TPD52L3: variants seen among roughly 807,000 people sequenced by gnomAD.
TPD52L3 encodes the protein tumor protein D55.
In TPD52L3, 12 loss-of-function variants were observed where a neutral mutation model predicts 8.7. That is an observed-to-expected ratio of 1.38 (90% CI 0.89 to 2.24). TPD52L3 has a LOEUF of 2.24. TPD52L3 is among the 30% of genes most tolerant of loss of function. The pLI is 0.00. For synonymous variants in TPD52L3, 79 were observed against 66.8 expected (o/e 1.18, Z -0.89); for missense variants, 207 against 158.7 (o/e 1.30, Z -1.64).
Position 6,328,488 on chromosome 9 carries a change from G to C in TPD52L3, c.-108G>C. 7.2e-7 allele frequency: 1 copy of C among 1,391,150 alleles called. No homozygotes were observed. The highest frequency in any genetic ancestry group is 9.7e-7 in the Non-Finnish European group (1 of 1,028,670). 86.2% of individuals were successfully genotyped at this position (1,391,150 alleles called of 1,614,324 possible). ...CCAAGAGTCTGAGCCTGCAGGCCTA[G>C]ATTTCGACTCTGCTGGCCAAGATTA... On this transcript the variant is annotated 5_prime_UTR_variant, in exon 1 of 2. Coordinates refer to ENST00000314556, the MANE Select transcript of TPD52L3 (RefSeq NM_001001874.3).
rs749197845 is a variant in TPD52L3 at position 6,331,055 on chromosome 9, G to C, written c.*36G>C. The C allele has an allele frequency of 6.3e-7, 1 of 1,592,652 alleles. No individual in the cohort carries two copies. The highest frequency in any genetic ancestry group is 2.2e-5 in the East Asian group (1 of 44,676). On this transcript the variant is annotated 3_prime_UTR_variant, in exon 2 of 2. Transcript: ENST00000314556. The stretch of plus-strand genomic sequence containing the variant: ...TTCAGACATCAAATATGGAATCCAA[G>C]AGACTATCAACAACATGAACTTGTT...
chr9:6,330,595 A>T, intron 1 of TPD52L3: 4 of 1,166,854 alleles, frequency 3.4e-6, no homozygotes, highest in Non-Finnish European at 4.3e-6. Context: ...AAAGTTACTC[A>T]TGTATCCCAA....
intron 1 of TPD52L3, chr9:6,330,654 T>G: frequency 8.4e-7 from 1 of 1,188,814 alleles, no homozygotes; most frequent in Non-Finnish European, 1.0e-6. Flanking sequence ...TAAAACAAGA[T>G]GTTTTACTAT....
At chr9:6,330,366 C>A in intron 1 of TPD52L3, 1 of 1,449,602 alleles carries the variant, frequency 6.9e-7, no homozygotes, top group Non-Finnish European at 9.1e-7. Context: ...TCTAGACACA[C>A]TGCCTGAGAT....
intron 1 of TPD52L3, 140 bp downstream of exon 1, chr9:6,329,102 G>A (rs976900140): frequency 3.2e-6 from 5 of 1,539,598 alleles, no homozygotes; most frequent in Non-Finnish European, 3.5e-6. Flanking sequence ...CCGGGGAGTG[G>A]GAATGAGCCA....
rs939177553 is a variant in TPD52L3, at chr9:6,328,549, A to G, written c.-47A>G. Reference sequence around the variant, plus strand: ...GCCCAATAATTCGACTCTTTCTACCAAGAATTGGACCTGGACTCTCTTAAC... The same window carrying G: ...GCCCAATAATTCGACTCTTTCTACCGAGAATTGGACCTGGACTCTCTTAAC... On this transcript the variant is annotated 5_prime_UTR_variant, in exon 1 of 2. Transcript: ENST00000314556. 1 of 1,577,348 alleles carries G rather than the reference A, an allele frequency of 6.3e-7. No homozygotes were observed. The highest frequency in any genetic ancestry group is 8.6e-7 in the Non-Finnish European group (1 of 1,165,424).
chr9:6,330,217 T>C, intron 1 of TPD52L3: 3 of 1,613,798 alleles, frequency 1.9e-6, no homozygotes, highest in Non-Finnish European at 2.5e-6. Context: ...AATATAACCC[T>C]CTGGAGAGCT....
In TPD52L3 at chr9:6,331,211, C is replaced by T. The variant is rs1818144760; in HGVS notation, c.*192C>T. 1 of 523,024 alleles carries T rather than the reference C, an allele frequency of 1.9e-6. No individual in the cohort carries two copies. Among genetic ancestry groups the T allele is most frequent in the Non-Finnish European group, 3.4e-6 (1 of 294,874 alleles). The allele number at this position is 523,024 out of a possible 1,614,324, so 32.4% of individuals were successfully genotyped here. The stretch of plus-strand genomic sequence containing the variant: ...AGACATCGTATGTGCCCTCTAGAAA[C>T]ACTTAGACTTTCAAATCATTATAAT... On this transcript the variant is annotated 3_prime_UTR_variant, in exon 2 of 2. Transcript: ENST00000314556.
At position 6,328,495 on chromosome 9, in the gene TPD52L3, A is replaced by G; in HGVS notation, c.-101A>G. 7.0e-7 allele frequency: 1 copy of G among 1,434,708 alleles called. No individual in the cohort carries two copies. Among genetic ancestry groups the G allele is most frequent in the Non-Finnish European group, 9.4e-7 (1 of 1,067,680 alleles). 88.9% of individuals were successfully genotyped at this position (1,434,708 alleles called of 1,614,324 possible). The stretch of plus-strand genomic sequence containing the variant: ...TCTGAGCCTGCAGGCCTAGATTTCG[A>G]CTCTGCTGGCCAAGATTATTTCTCT... On this transcript the variant is annotated 5_prime_UTR_variant, in exon 1 of 2. Coordinates refer to ENST00000314556, the MANE Select transcript of TPD52L3 (RefSeq NM_001001874.3).
intron 1 of TPD52L3, chr9:6,330,012 G>C: frequency 2.2e-6 from 3 of 1,361,238 alleles, no homozygotes; most frequent in Admixed American, 6.8e-5. Context: ...ACCACCTCCA[G>C]CTGAGGGGCT....
At chr9:6,329,289 A>C in intron 1 of TPD52L3, 1 of 1,245,536 alleles carries the variant, frequency 8.0e-7, no homozygotes. Flanking sequence ...TTAATTCAGG[A>C]AATTGACAGA....
rs1215074691 is a variant in TPD52L3 at position 6,331,070 on chromosome 9, A to G, written c.*51A>G. The G allele has an allele frequency of 6.4e-7, 1 of 1,569,292 alleles. No homozygotes were observed. The highest frequency in any genetic ancestry group is 2.2e-5 in the East Asian group (1 of 44,474). On this transcript the variant is annotated 3_prime_UTR_variant, in exon 2 of 2. Transcript: ENST00000314556. Reference sequence around the variant, plus strand: ...TGGAATCCAAGAGACTATCAACAACATGAACTTGTTCACAAGTTCCTTCTG... The same window carrying G: ...TGGAATCCAAGAGACTATCAACAACGTGAACTTGTTCACAAGTTCCTTCTG...
rs753567680 is a variant in TPD52L3, at chr9:6,328,733, A to T, written c.138A>T (p.Leu46=). ...AATTGGAGGCTGAAATTGTAACCCT[A>T]CGCCACGTACTAGCAGCCAAAGAGA... The part of the protein sequence containing the change: ...LTKLEAEIVT[L]RHVLAAKERR... The change falls in exon 1 of 2, where the codon CTA becomes CTT. Residue 46 remains leucine (L), a synonymous_variant. Transcript: ENST00000314556. The T allele has an allele frequency of 6.2e-7, 1 of 1,614,146 alleles. No individual in the cohort carries two copies. Among genetic ancestry groups the T allele is most frequent in the Non-Finnish European group, 8.5e-7 (1 of 1,180,034 alleles).
chr9:6,331,259 T>G lies in TPD52L3; in HGVS notation c.*240T>G. On this transcript the variant is annotated 3_prime_UTR_variant, in exon 2 of 2. Coordinates refer to ENST00000314556, the MANE Select transcript of TPD52L3 (RefSeq NM_001001874.3). ...AATTCAATGAGTCCTAAAATAGAGC[T>G]GTGTGCCAGAGATAAAAGAAGTCCT... 1 of 384,692 alleles carries G rather than the reference T, an allele frequency of 2.6e-6. No individual in the cohort carries two copies. Among genetic ancestry groups the G allele is most frequent in the East Asian group, 4.2e-5 (1 of 23,542 alleles). 23.8% of individuals were successfully genotyped at this position (384,692 alleles called of 1,614,324 possible). A position where few individuals can be genotyped will look rare whatever the true frequency, so the allele number is the denominator to read the frequency against.
At position 6,329,563 on chromosome 9, in the gene TPD52L3, G is replaced by GT. The variant is rs1040027098; in HGVS notation, c.367+608dup. The GT allele has an allele frequency of 1.6e-5, 16 of 1,002,282 alleles. No homozygotes were observed. The South Asian group carries it at 1.9e-4, about 12-fold the overall frequency. The allele number at this position is 1,002,282 out of a possible 1,614,324, so 62.1% of individuals were successfully genotyped here. ...AAAGAGGTATGAAGTAATCTGTAGTGTTTTTTTGGTTTGTTTGTTTGTTTT... is the reference window on the plus strand; with the variant it reads ...AAAGAGGTATGAAGTAATCTGTAGTGTTTTTTTTGGTTTGTTTGTTTGTTTT... On this transcript the variant is annotated intron_variant, in intron 1 of 1. Transcript: ENST00000314556.
intron 1 of TPD52L3, chr9:6,329,201 T>C (rs1181833749): frequency 7.0e-7 from 1 of 1,427,336 alleles, no homozygotes; most frequent in African/African-American, 1.4e-5. Flanking sequence ...ACTAAACCAG[T>C]GCAAGGACCC....
rs377508099 is a variant in TPD52L3 at position 6,328,562 on chromosome 9, G to A, written c.-34G>A. On this transcript the variant is annotated 5_prime_UTR_variant, in exon 1 of 2. Coordinates refer to ENST00000314556, the MANE Select transcript of TPD52L3 (RefSeq NM_001001874.3). ...ACTCTTTCTACCAAGAATTGGACCTGGACTCTCTTAACGAAGATCTTCTTT... is the reference window on the plus strand; with the variant it reads ...ACTCTTTCTACCAAGAATTGGACCTAGACTCTCTTAACGAAGATCTTCTTT... 1.3e-6 allele frequency: 2 copies of A among 1,599,942 alleles called. No homozygotes were observed. The highest frequency in any genetic ancestry group is 1.7e-5 in the Admixed American group (1 of 59,050).
At chr9:6,329,007 G>C in intron 1 of TPD52L3, 45 bp downstream of exon 1, 4 of 1,613,682 alleles carry the variant, frequency 2.5e-6, no homozygotes, top group East Asian at 4.5e-5. Context: ...GGGCAAAAGA[G>C]CTTGGCCCTG....
chr9:6,328,471 C>A lies in TPD52L3; in HGVS notation c.-125C>A, dbSNP rs1008260304. ...AAATCTGACTCCACCTGCCAAGAGT[C>A]TGAGCCTGCAGGCCTAGATTTCGAC... On this transcript the variant is annotated 5_prime_UTR_variant, in exon 1 of 2. In the 5' UTR this introduces an upstream ATG that the reference lacks. Coordinates refer to ENST00000314556, the MANE Select transcript of TPD52L3 (RefSeq NM_001001874.3). 7 of 1,200,540 alleles carry A rather than the reference C, an allele frequency of 5.8e-6. No individual in the cohort carries two copies. In the African/African-American group the frequency reaches 7.6e-5, roughly 13 times the overall value. 74.4% of individuals were successfully genotyped at this position (1,200,540 alleles called of 1,614,324 possible).
Sources: gnomAD v4.1 joint callset for allele counts on GRCh38, gnomAD v4.1.1 for gene constraint, MANE v1.5 for transcripts, NCBI Gene and HGNC (gene_info 2026-07-23, HGNC 2026-07-21) for gene names.